LMBR1: variants seen among roughly 807,000 people sequenced by gnomAD.
LMBR1 encodes limb region 1 protein homolog.
In LMBR1, 52 loss-of-function variants were observed where a neutral mutation model predicts 73.9. The observed-to-expected ratio is 0.70, with a 90% CI of 0.56 to 0.89. The LOEUF (loss-of-function observed/expected upper bound fraction) is 0.89, where lower values mean the gene tolerates loss of function less well. Among genes scored for constraint, LMBR1 ranks in the 40% least tolerant of loss-of-function variants. The probability of loss-of-function intolerance (pLI) is 0.00; values close to 1 mark genes in which losing one functional copy is unlikely to be tolerated. For synonymous variants in LMBR1, 215 were observed against 209.4 expected, an observed-to-expected ratio of 1.03 and a Z score of -0.23; for missense variants, 539 against 579.8, an observed-to-expected ratio of 0.93 and a Z score of 0.72.
intron 1 of LMBR1, among the ~76,000 whole-genome samples, chr7:156,855,658 C>A (rs1201761419): frequency 2.1e-5 from 2 of 95,790 alleles, no homozygotes; most frequent in Non-Finnish European, 4.1e-5. Flanking sequence ...CAACAAACAA[C>A]GTAAATACAA....
At chr7:156,691,646 A>G (rs1234577509) in intron 15 of LMBR1, among the ~76,000 whole-genome samples, 1 of 152,220 alleles carries the variant, frequency 6.6e-6, no homozygotes. Context: ...GACTTTATCA[A>G]TAAATTATAT....
downstream of LMBR1, among the ~76,000 whole-genome samples, chr7:156,673,757 A>G (rs889420453): frequency 4.6e-5 from 7 of 152,288 alleles, no homozygotes; most frequent in East Asian, 1.2e-3. Context: ...AAGGCAGCTC[A>G]TAGTCTCCAC....
chr7:156,730,429 G>A (rs1441293977), intron 10 of LMBR1, among the ~76,000 whole-genome samples: 1 of 152,158 alleles, frequency 6.6e-6, no homozygotes, highest in Non-Finnish European at 1.5e-5. Context: ...CTATATCCTA[G>A]TATGAAGGAA....
At chr7:156,803,747 T>C (rs1244084582) in intron 4 of LMBR1, among the ~76,000 whole-genome samples, 2 of 152,002 alleles carry the variant, frequency 1.3e-5, no homozygotes, top group East Asian at 3.9e-4. Context: ...CCAACCCAAA[T>C]ATCCAACAAT....
At position 156,680,206 on chromosome 7, in the gene LMBR1, C is replaced by T. The variant is rs758967855; in HGVS notation, c.*3872G>A. The T allele has an allele frequency of 2.0e-5, 3 of 151,338 alleles. No homozygotes were observed. The highest frequency in any genetic ancestry group is 4.4e-5 in the Non-Finnish European group (3 of 67,930). 9.4% of individuals were successfully genotyped at this position (151,338 alleles called of 1,614,324 possible). A position where few individuals can be genotyped will look rare whatever the true frequency, so the allele number is the denominator to read the frequency against. On this transcript the variant is annotated 3_prime_UTR_variant, in exon 17 of 17. Coordinates refer to ENST00000353442, the MANE Select transcript of LMBR1 (RefSeq NM_022458.4). ...ATTATTTCTTCTTTTAAACCACATTCCAAAGGGATGCTTTTCAAACTGAAG... is the reference window on the plus strand; with the variant it reads ...ATTATTTCTTCTTTTAAACCACATTTCAAAGGGATGCTTTTCAAACTGAAG...
chr7:156,789,463 C>G (rs976118758), intron 5 of LMBR1, among the ~76,000 whole-genome samples: 1 of 152,162 alleles, frequency 6.6e-6, no homozygotes, highest in Non-Finnish European at 1.5e-5. Flanking sequence ...ATCAAACAAT[C>G]TTACTGCCTT....
intron 1 of LMBR1, among the ~76,000 whole-genome samples, chr7:156,853,289 C>T (rs1796500852): frequency 6.6e-6 from 1 of 151,866 alleles, no homozygotes; most frequent in South Asian, 2.1e-4. Flanking sequence ...AATGTTAATA[C>T]TAATTTCACT....
At chr7:156,713,230 G>T (rs1812458468) in intron 15 of LMBR1, among the ~76,000 whole-genome samples, 1 of 152,114 alleles carries the variant, frequency 6.6e-6, no homozygotes, top group African/African-American at 2.4e-5. Flanking sequence ...GCTGCCGGGG[G>T]TGAGAGAGAG....
intron 1 of LMBR1, among the ~76,000 whole-genome samples, chr7:156,841,552 G>A (rs918390462): frequency 6.6e-6 from 1 of 152,114 alleles, no homozygotes; most frequent in Non-Finnish European, 1.5e-5. Flanking sequence ...AGTCAGCAAG[G>A]GAGGAGGCAA....
intron 4 of LMBR1, among the ~76,000 whole-genome samples, chr7:156,806,426 T>C (rs1001256488): frequency 6.6e-6 from 1 of 151,072 alleles, no homozygotes; most frequent in Non-Finnish European, 1.5e-5. Flanking sequence ...TGAAATAGTT[T>C]TACTGTTTCC....
At chr7:156,833,419 G>A (rs1034217303) in intron 3 of LMBR1, 14 of 249,166 alleles carry the variant, frequency 5.6e-5, no homozygotes, top group Non-Finnish European at 8.4e-5. Context: ...GGAGATGTCC[G>A]CTGCTCGGTT....
chr7:156,672,902 C>T (rs1037052330), downstream of LMBR1, among the ~76,000 whole-genome samples: 59 of 152,314 alleles, frequency 3.9e-4, no homozygotes, highest in African/African-American at 1.3e-3. Flanking sequence ...CTTCTATGAC[C>T]GTGGTTCTTA....
At chr7:156,714,735 A>G (rs974100216) in intron 15 of LMBR1, among the ~76,000 whole-genome samples, 2 of 152,152 alleles carry the variant, frequency 1.3e-5, no homozygotes, top group Admixed American at 6.5e-5. Flanking sequence ...GCCCCAGGTT[A>G]GGACTCTATA....
chr7:156,725,689 G>T, intron 13 of LMBR1, 75 bp downstream of exon 13: 1 of 1,387,160 alleles, frequency 7.2e-7, no homozygotes, highest in Non-Finnish European at 1.0e-6. Context: ...AAGTGTCTTA[G>T]TAAATAACTA....
chr7:156,732,536 T>G (rs1475941747), intron 10 of LMBR1, among the ~76,000 whole-genome samples: 1 of 152,034 alleles, frequency 6.6e-6, no homozygotes, highest in African/African-American at 2.4e-5. Flanking sequence ...CTCAAGTATA[T>G]CGGCTCAGGC....
chr7:156,886,352 A>C (rs1300467380), intron 1 of LMBR1, among the ~76,000 whole-genome samples: 1 of 152,218 alleles, frequency 6.6e-6, no homozygotes, highest in Non-Finnish European at 1.5e-5. Flanking sequence ...ATATTCACAA[A>C]GTGGGGGAGG....
At chr7:156,745,821 A>C (rs1223699668) in intron 9 of LMBR1, among the ~76,000 whole-genome samples, 2 of 152,234 alleles carry the variant, frequency 1.3e-5, no homozygotes, top group Non-Finnish European at 2.9e-5. Flanking sequence ...CTCTCTTTCA[A>C]AGAACCTGAG....
chr7:156,684,038 T>A lies in LMBR1; in HGVS notation c.*40A>T. On this transcript the variant is annotated 3_prime_UTR_variant, in exon 17 of 17. Transcript: ENST00000353442. ...GACAGGAATGTCGTGAATCTGGAGT[T>A]CTCGGGTCTCTTGGTGGCAGAAGAC... The A allele has an allele frequency of 1.3e-6, 2 of 1,492,720 alleles. No individual in the cohort carries two copies. The highest frequency in any genetic ancestry group is 2.3e-5 in the South Asian group (2 of 88,446). The allele number at this position is 1,492,720 out of a possible 1,614,324, so 92.5% of individuals were successfully genotyped here.
chr7:156,706,629 T>C (rs915243000), intron 15 of LMBR1, among the ~76,000 whole-genome samples: 10 of 151,856 alleles, frequency 6.6e-5, no homozygotes, highest in African/African-American at 9.7e-5. Flanking sequence ...TGAATGACCA[T>C]TGGGTCAAAG....
Sources: gnomAD v4.1 joint callset for allele counts (sites outside exome capture counted in the v4.1 genomes callset) on GRCh38, gnomAD v4.1.1 for gene constraint, MANE v1.5 for transcripts, NCBI Gene and HGNC (gene_info 2026-07-23, HGNC 2026-07-21) for gene names.